UBE2B: variants seen among roughly 807,000 people sequenced by gnomAD.
UBE2B encodes the protein ubiquitin conjugating enzyme E2 B.
Under a neutral mutation model 24.6 loss-of-function variants are expected in UBE2B, and 11 were observed. The observed-to-expected ratio is 0.45, with a 90% CI of 0.28 to 0.74. The LOEUF (loss-of-function observed/expected upper bound fraction) is 0.74. UBE2B is among the 30% of genes least tolerant of loss of function. The pLI, the probability that UBE2B is intolerant of heterozygous loss-of-function variation, is 0.13. For missense variants in UBE2B, 78 were observed against 185.6 expected, an observed-to-expected ratio of 0.42 and a Z score of 3.37; for synonymous variants, 68 against 62.4, an observed-to-expected ratio of 1.09 and a Z score of -0.42.
Position 134,375,749 on chromosome 5 carries a change from G to A in UBE2B, c.126-920G>A, listed in dbSNP as rs1023447341. On this transcript the variant is annotated intron_variant, in intron 2 of 5. Coordinates refer to ENST00000265339, the MANE Select transcript of UBE2B (RefSeq NM_003337.4). ...CAGGGGGCGGAGGCTGCAGTGAGCC[G>A]AGATTGCGCCACTGCACTCCAGCCT... Among the ~76,000 whole-genome samples, 8 of 136,548 alleles carry A rather than the reference G, an allele frequency of 5.9e-5. No individual in the cohort carries two copies. The South Asian group carries it at 9.5e-4, about 16-fold the overall frequency. The allele number at this position is 136,548 out of a possible 152,430, so 89.6% of individuals were successfully genotyped here. A position where few individuals can be genotyped will look rare whatever the true frequency, so the allele number is the denominator to read the frequency against.
At chr5:134,388,291 G>C (rs1190384905) in intron 4 of UBE2B, 34 bp from the exon 5 acceptor site, 2 of 1,557,926 alleles carry the variant, frequency 1.3e-6, no homozygotes, top group Admixed American at 3.3e-5. Context: ...AGATATGGCA[G>C]AGTGTGTAAC....
At chr5:134,388,237 TC>T (rs1465811538) in intron 4 of UBE2B, 87 bp from the exon 5 acceptor site, 1 of 1,157,578 alleles carries the variant, frequency 8.6e-7, no homozygotes, top group African/African-American at 1.5e-5. Flanking sequence ...ATTTAAAACT[TC>T]TAAGCCAAGC....
intron 5 of UBE2B, chr5:134,388,938 CTTTAATT>C (rs1482365738): frequency 7.9e-4 from 177 of 225,226 alleles, no homozygotes; most frequent in African/African-American, 6.6e-3. Flanking sequence ...TCTCACACTT[CTTTAATT>C]GTTTTTTTTT....
At chr5:134,376,788 A>G (rs1323831911) in intron 3 of UBE2B, 94 bp downstream of exon 3, 23 of 1,256,352 alleles carry the variant, frequency 1.8e-5, no homozygotes, top group East Asian at 2.4e-5. Flanking sequence ...GCCATTTTCT[A>G]TGGTTAATAG....
At position 134,383,473 on chromosome 5, in the gene UBE2B, C is replaced by CTTTTTTTTTTTT. The variant is rs747399191; in HGVS notation, c.241+2681_241+2692dup. On this transcript the variant is annotated intron_variant, in intron 4 of 5. Coordinates refer to ENST00000265339, the MANE Select transcript of UBE2B (RefSeq NM_003337.4). ...TGCAGATGTGTGCCACCATACCCAG[C>CTTTTTTTTTTTT]TTTTTTTTTTTTTTTTTTTTTTTTT... 5.0e-5 allele frequency among the ~76,000 whole-genome samples: 4 copies of CTTTTTTTTTTTT among 80,030 alleles called. 1 individual carries two copies. The highest frequency in any genetic ancestry group is 2.2e-4 in the African/African-American group (4 of 18,398). The allele number at this position is 80,030 out of a possible 152,430, so 52.5% of individuals were successfully genotyped here. A position where few individuals can be genotyped will look rare whatever the true frequency, so the allele number is the denominator to read the frequency against.
chr5:134,377,650 G>A (rs1758631684), intron 3 of UBE2B, among the ~76,000 whole-genome samples: 1 of 152,038 alleles, frequency 6.6e-6, no homozygotes, highest in Non-Finnish European at 1.5e-5. Context: ...ACTTAAGGAC[G>A]TTACCTTTTT....
chr5:134,389,953 T>C, intron 5 of UBE2B: 1 of 406,132 alleles, frequency 2.5e-6, no homozygotes, highest in Non-Finnish European at 4.6e-6. Context: ...AGTGTTAGGA[T>C]TACAGGCACA....
chr5:134,375,102 TATATAAAAC>T (rs1194074097), intron 2 of UBE2B, among the ~76,000 whole-genome samples: 1 of 152,218 alleles, frequency 6.6e-6, no homozygotes, highest in Non-Finnish European at 1.5e-5. Context: ...TAAGTTACTT[TATATAAAAC>T]ATATCACGCA....
intron 5 of UBE2B, chr5:134,388,954 T>G (rs796603969): frequency 1.0e-4 from 36 of 347,508 alleles, no homozygotes; most frequent in African/African-American, 4.8e-4. Context: ...TTGTTTTTTT[T>G]TTTTTTTTTT....
Position 134,371,594 on chromosome 5 carries a change from G to T in UBE2B, c.-2G>T, listed in dbSNP as rs375951755. On this transcript the variant is annotated 5_prime_UTR_variant, in exon 1 of 6. Transcript: ENST00000265339. ...AGACTGACCGCGGGGCAGCTGCGGAGCATGTCGACCCCGGCCCGGAGGAGG... is the reference window on the plus strand; with the variant it reads ...AGACTGACCGCGGGGCAGCTGCGGATCATGTCGACCCCGGCCCGGAGGAGG... 1.9e-6 allele frequency: 3 copies of T among 1,612,856 alleles called. No individual in the cohort carries two copies. In the East Asian group the frequency reaches 6.7e-5, roughly 36 times the overall value.
chr5:134,382,068 C>CTA (rs1248789533), intron 4 of UBE2B, among the ~76,000 whole-genome samples: 2 of 152,054 alleles, frequency 1.3e-5, no homozygotes, highest in African/African-American at 4.8e-5. Flanking sequence ...GATCCTGTCT[C>CTA]TACTAAAAGA....
At position 134,390,029 on chromosome 5, in the gene UBE2B, G is replaced by A; in HGVS notation, c.331-196G>A. The A allele has an allele frequency of 1.6e-6, 1 of 606,392 alleles. No individual in the cohort carries two copies. The highest frequency in any genetic ancestry group is 2.8e-6 in the Non-Finnish European group (1 of 352,946). 37.6% of individuals were successfully genotyped at this position (606,392 alleles called of 1,614,324 possible). On this transcript the variant is annotated intron_variant, in intron 5 of 5. Transcript: ENST00000265339. The surrounding 1 kb of genome is among the most constrained non-coding windows in gnomAD (Gnocchi z 4.6). The stretch of plus-strand genomic sequence containing the variant: ...TGAGAACTTTATTTCAGAAGCTTAA[G>A]TTCCTTAGCAGCAGGAAACCCCATA...
At chr5:134,372,136 G>T (rs1285653710) in intron 1 of UBE2B, among the ~76,000 whole-genome samples, 1 of 152,198 alleles carries the variant, frequency 6.6e-6, no homozygotes, top group African/African-American at 2.4e-5. Flanking sequence ...TGCCCTGAGG[G>T]TGGGGTCCAG....
intron 4 of UBE2B, among the ~76,000 whole-genome samples, chr5:134,386,353 G>T (rs112974200): frequency 6.6e-6 from 1 of 151,008 alleles, no homozygotes; most frequent in Non-Finnish European, 1.5e-5. Context: ...AAAAGGGCCG[G>T]GCACAGTGGC....
intron 4 of UBE2B, among the ~76,000 whole-genome samples, chr5:134,384,813 C>T (rs1245183682): frequency 6.6e-6 from 1 of 152,096 alleles, no homozygotes; most frequent in African/African-American, 2.4e-5. Flanking sequence ...ACAAAAAGCC[C>T]CATAACTATT....
At chr5:134,384,151 C>G (rs1320219971) in intron 4 of UBE2B, among the ~76,000 whole-genome samples, 1 of 152,186 alleles carries the variant, frequency 6.6e-6, no homozygotes, top group African/African-American at 2.4e-5. Context: ...TGGCGTTCCC[C>G]ATCAGCCAAC....
chr5:134,386,492 C>T (rs909490859), intron 4 of UBE2B, among the ~76,000 whole-genome samples: 5 of 152,016 alleles, frequency 3.3e-5, no homozygotes, highest in Admixed American at 6.6e-5. Context: ...ATTAGCTGGG[C>T]GTGGTGGTGG....
At chr5:134,388,092 G>A (rs773086019) in intron 4 of UBE2B, 3 of 530,738 alleles carry the variant, frequency 5.7e-6, no homozygotes, top group South Asian at 2.1e-5. Flanking sequence ...GTGAGCCACC[G>A]TGCCCAGCCT....
rs1249225674 is a variant in UBE2B at position 134,390,410 on chromosome 5, TAGAA to T, written c.*60_*63del. The T allele has an allele frequency of 1.2e-6, 2 of 1,606,798 alleles. No individual in the cohort carries two copies. The highest frequency in any genetic ancestry group is 1.7e-6 in the Non-Finnish European group (2 of 1,175,322). Reference sequence around the variant, plus strand: ...TTGTTGTGTATAATTTACCTCTCATTAGAAAGGCTAACAAATTTTAAGTGCCACA... The same window carrying T: ...TTGTTGTGTATAATTTACCTCTCATTAGGCTAACAAATTTTAAGTGCCACA... On this transcript the variant is annotated 3_prime_UTR_variant, in exon 6 of 6. Coordinates refer to ENST00000265339, the MANE Select transcript of UBE2B (RefSeq NM_003337.4). This position sits in a 1 kb window ranked among gnomAD's most constrained non-coding sequence, Gnocchi z 4.6.
Sources: allele counts gnomAD v4.1 joint callset (sites outside exome capture counted in the v4.1 genomes callset), GRCh38; gene constraint gnomAD v4.1.1; non-coding constraint Gnocchi (gnomAD v3.1); transcripts MANE v1.5; gene names NCBI Gene and HGNC (gene_info 2026-07-23, HGNC 2026-07-21).